MYZAP: variants seen among roughly 807,000 people sequenced by gnomAD.
MYZAP encodes the protein myocardial zonula adherens protein.
In MYZAP, 66 loss-of-function variants were observed where a neutral mutation model predicts 69.4. That is an observed-to-expected ratio of 0.95 (90% confidence interval 0.78 to 1.17). MYZAP has a LOEUF of 1.17. Among genes scored for constraint, MYZAP ranks in the 50% most tolerant of loss-of-function variants. The pLI, the probability that MYZAP is intolerant of heterozygous loss-of-function variation, is 0.00. For missense variants in MYZAP, 611 were observed against 556.2 expected, an observed-to-expected ratio of 1.10 and a Z score of -0.99; for synonymous variants, 256 against 205.9, an observed-to-expected ratio of 1.24 and a Z score of -2.09.
At chr15:57,599,066 T>C (rs2034245865) in intron 1 of MYZAP, among the ~76,000 whole-genome samples, 1 of 152,228 alleles carries the variant, frequency 6.6e-6, no homozygotes, top group Admixed American at 6.5e-5. Context: ...TCCTAAGCTC[T>C]TTACACACAT....
chr15:57,619,127 C>G (rs2035655878), intron 3 of MYZAP, among the ~76,000 whole-genome samples: 1 of 152,134 alleles, frequency 6.6e-6, no homozygotes, highest in Non-Finnish European at 1.5e-5. Context: ...TTGTGAGCCC[C>G]ATTTTATTTT....
rs572750557 is a variant in MYZAP, at chr15:57,618,156, C to A, written c.286C>A (p.Gln96Lys). Residue 96 changes from glutamine to lysine, a missense_variant, in exon 3 of 13, where the codon CAG (glutamine) becomes AAG (lysine). By Grantham distance (53) the Gln-to-Lys change is moderately conservative (BLOSUM62 1). Coordinates refer to ENST00000267853, the MANE Select transcript of MYZAP (RefSeq NM_001018100.5). Reference protein sequence around the residue: ...EMVVYGWSTSQLKEEMNYIKD... With the variant: ...EMVVYGWSTSKLKEEMNYIKD... ...GGTGGTGTATGGGTGGTCCACCAGTCAGCTGAAAGAAGAGATGAACTACAT... is the reference window on the plus strand; with the variant it reads ...GGTGGTGTATGGGTGGTCCACCAGTAAGCTGAAAGAAGAGATGAACTACAT... 6 of 1,614,104 alleles carry A rather than the reference C, an allele frequency of 3.7e-6. No individual in the cohort carries two copies. The Admixed American group carries it at 8.3e-5, about 22-fold the overall frequency.
intron 2 of MYZAP, among the ~76,000 whole-genome samples, chr15:57,613,459 C>A (rs1403643920): frequency 6.6e-6 from 1 of 152,046 alleles, no homozygotes; most frequent in Non-Finnish European, 1.5e-5. Context: ...TAGCCTCAAC[C>A]TCCTGGGCTC....
intron 11 of MYZAP, among the ~76,000 whole-genome samples, chr15:57,665,213 A>G (rs745850527): frequency 6.6e-6 from 1 of 152,244 alleles, no homozygotes; most frequent in Non-Finnish European, 1.5e-5. Flanking sequence ...CTAGCAGGCC[A>G]TAGGGCCCAG....
At chr15:57,617,161 A>G (rs1307832186) in intron 2 of MYZAP, among the ~76,000 whole-genome samples, 1 of 152,152 alleles carries the variant, frequency 6.6e-6, no homozygotes, top group African/African-American at 2.4e-5. Flanking sequence ...GTGTGTGTCC[A>G]TAAGCAAGTT....
chr15:57,659,671 A>G (rs551333433), intron 10 of MYZAP, among the ~76,000 whole-genome samples: 1 of 152,324 alleles, frequency 6.6e-6, no homozygotes, highest in East Asian at 1.9e-4. Flanking sequence ...CTGTATTCTA[A>G]TAACACTTGG....
intron 2 of MYZAP, among the ~76,000 whole-genome samples, chr15:57,606,070 C>A (rs1440352366): frequency 6.6e-6 from 1 of 151,880 alleles, no homozygotes; most frequent in African/African-American, 2.4e-5. Context: ...GTTTTGTAAC[C>A]TCCAGGTATA....
intron 10 of MYZAP, among the ~76,000 whole-genome samples, chr15:57,649,546 G>C (rs759544220): frequency 6.6e-5 from 10 of 152,080 alleles, no homozygotes; most frequent in Non-Finnish European, 1.2e-4. Flanking sequence ...TTTTATATTA[G>C]ATTGTTTTTC....
chr15:57,668,514 T>C (rs1207244379), intron 11 of MYZAP, among the ~76,000 whole-genome samples: 4 of 149,888 alleles, frequency 2.7e-5, no homozygotes, highest in African/African-American at 9.7e-5. Flanking sequence ...TTTCTGGCTT[T>C]GAAAGCTCCA....
At chr15:57,648,065 G>A (rs1009375358) in intron 10 of MYZAP, 48 of 983,262 alleles carry the variant, frequency 4.9e-5, no homozygotes, top group African/African-American at 2.4e-4. Flanking sequence ...GTGATTTATT[G>A]TGAATGACAA....
intron 8 of MYZAP, among the ~76,000 whole-genome samples, chr15:57,636,492 G>T (rs1479476734): frequency 4.6e-5 from 7 of 152,200 alleles, no homozygotes; most frequent in African/African-American, 1.4e-4. Flanking sequence ...TAGAAAAGAG[G>T]TTTGGAATCT....
chr15:57,602,648 C>T (rs1470612016), intron 1 of MYZAP, among the ~76,000 whole-genome samples: 12 of 152,328 alleles, frequency 7.9e-5, no homozygotes, highest in East Asian at 7.7e-4. Context: ...ACTGAGCCCA[C>T]ATGGCATTTC....
At chr15:57,669,787 C>G (rs982322082) in intron 11 of MYZAP, among the ~76,000 whole-genome samples, 1 of 152,180 alleles carries the variant, frequency 6.6e-6, no homozygotes, top group Middle Eastern at 3.4e-3. Flanking sequence ...CTATAAATGT[C>G]CTTCTAATCT....
chr15:57,593,188 G>GCATGCGCGCGCGCGCACA, intron 1 of MYZAP, among the ~76,000 whole-genome samples: 2 of 114,152 alleles, frequency 1.8e-5, no homozygotes, highest in African/African-American at 3.4e-5. Flanking sequence ...GTACACAGGC[G>GCATGCGCGCGCGCGCACA]CACACACACA....
intron 10 of MYZAP, among the ~76,000 whole-genome samples, chr15:57,641,504 A>G (rs975756275): frequency 6.6e-6 from 1 of 152,220 alleles, no homozygotes; most frequent in Non-Finnish European, 1.5e-5. Flanking sequence ...TATCTTCCAG[A>G]TAAGCTTCTC....
At chr15:57,648,304 CT>C (rs2037553874) in intron 10 of MYZAP, 3 of 985,370 alleles carry the variant, frequency 3.0e-6, no homozygotes, top group Non-Finnish European at 3.6e-6. Context: ...AGGATATTTT[CT>C]TTGGAAATGT....
chr15:57,592,989 C>G (rs1387980811), intron 1 of MYZAP, among the ~76,000 whole-genome samples: 1 of 152,140 alleles, frequency 6.6e-6, no homozygotes, highest in Admixed American at 6.5e-5. Flanking sequence ...AGCAAAACCC[C>G]CACTGGTTCT....
intron 2 of MYZAP, among the ~76,000 whole-genome samples, chr15:57,617,218 G>A (rs1001603292): frequency 3.3e-5 from 5 of 152,102 alleles, no homozygotes; most frequent in Admixed American, 6.5e-5. Flanking sequence ...AAGTGGAAAG[G>A]ACAGAAAGGA....
At chr15:57,635,177 T>G (rs2140450554) in intron 8 of MYZAP, among the ~76,000 whole-genome samples, 1 of 152,328 alleles carries the variant, frequency 6.6e-6, no homozygotes, top group African/African-American at 2.4e-5. Flanking sequence ...ACTTACTTGG[T>G]TTTTCCTAAC....
Sources: allele counts gnomAD v4.1 joint callset (sites outside exome capture counted in the v4.1 genomes callset), GRCh38; gene constraint gnomAD v4.1.1; transcripts MANE v1.5; gene names NCBI Gene and HGNC (gene_info 2026-07-23, HGNC 2026-07-21).